Variants in PKHD1L1 observed in about 807,000 individuals in gnomAD.
The protein encoded by PKHD1L1 is PKHD1 like 1.
PKHD1L1 carries 434 observed loss-of-function variants against 462.9 expected under a neutral mutation model. That is an observed-to-expected ratio of 0.94 (90% CI 0.87 to 1.02). The LOEUF (loss-of-function observed/expected upper bound fraction) is 1.02, where lower values mean the gene tolerates loss of function less well. Ranked by LOEUF, PKHD1L1 falls within the 50% of genes least tolerant of loss-of-function variation. The probability of loss-of-function intolerance (pLI) is 0.00; values close to 1 mark genes in which losing one functional copy is unlikely to be tolerated. For missense variants in PKHD1L1, 5,202 were observed against 5,096.1 expected, an observed-to-expected ratio of 1.02 and a Z score of -0.63; for synonymous variants, 1,781 against 1,750.0, an observed-to-expected ratio of 1.02 and a Z score of -0.44.
intron 21 of PKHD1L1, among the ~76,000 whole-genome samples, chr8:109,415,395 C>T (rs528533134): frequency 2.0e-5 from 3 of 151,974 alleles, no homozygotes; most frequent in South Asian, 2.1e-4. Flanking sequence ...ATATGTTGGA[C>T]GGGAAAGGAA....
intron 60 of PKHD1L1, 38 bp from the exon 61 acceptor site, chr8:109,490,934 T>G (rs1338697509): frequency 1.3e-6 from 2 of 1,489,934 alleles, no homozygotes; most frequent in South Asian, 2.7e-5. Flanking sequence ...ATTGTAATTT[T>G]ATTTTAAAAA....
chr8:109,462,783 A>C (rs550917472), intron 48 of PKHD1L1, among the ~76,000 whole-genome samples: 2 of 151,958 alleles, frequency 1.3e-5, no homozygotes, highest in African/African-American at 4.8e-5. Context: ...CTTGTGATCC[A>C]CATGCCTCGG....
intron 17 of PKHD1L1, among the ~76,000 whole-genome samples, chr8:109,406,904 A>G (rs1813581448): frequency 6.6e-6 from 1 of 151,470 alleles, no homozygotes; most frequent in Admixed American, 6.6e-5. Context: ...GGAATATTAA[A>G]ATCCCTGAGG....
intron 13 of PKHD1L1, 80 bp downstream of exon 13, chr8:109,400,424 C>G (rs556568005): frequency 4.9e-5 from 70 of 1,422,558 alleles, no homozygotes; most frequent in Middle Eastern, 2.1e-4. Flanking sequence ...TAAATCAAAA[C>G]GAATGAACAT....
At chr8:109,388,089 C>T (rs1234091766) in intron 6 of PKHD1L1, among the ~76,000 whole-genome samples, 2 of 152,112 alleles carry the variant, frequency 1.3e-5, no homozygotes, top group African/African-American at 2.4e-5. Context: ...TACCTTAATT[C>T]CTATAGTACA....
intron 14 of PKHD1L1, among the ~76,000 whole-genome samples, chr8:109,402,912 C>G (rs1027376691): frequency 6.6e-6 from 1 of 151,788 alleles, no homozygotes; most frequent in African/African-American, 2.4e-5. Context: ...CCTTTTTTAT[C>G]CTCTTTCTTC....
intron 45 of PKHD1L1, 116 bp from the exon 46 acceptor site, chr8:109,456,146 G>A: frequency 9.3e-7 from 1 of 1,069,846 alleles, no homozygotes; most frequent in Non-Finnish European, 1.3e-6. Context: ...GAAATGCTAA[G>A]GTAAAATGAG....
At position 109,404,258 on chromosome 8, in the gene PKHD1L1, A is replaced by G. The variant is rs147043529; in HGVS notation, c.1374-296A>G. ...ATACCAGGGACAGGGTTATTTTTCA[A>G]GATGTTGAGTATAAGAAATAGTATT... On this transcript the variant is annotated intron_variant, in intron 14 of 77. Transcript: ENST00000378402. Among the ~76,000 whole-genome samples the G allele has an allele frequency of 6.5e-3, 983 of 152,262 alleles. 7 individuals are homozygous for G. Among genetic ancestry groups the G allele is most frequent in the Middle Eastern group, 0.051 (15 of 294 alleles).
In PKHD1L1 at chr8:109,430,013, G is replaced by A; in HGVS notation, c.3205G>A (p.Val1069Ile). Residue 1069 changes from valine (V) to isoleucine (I), a missense_variant, in exon 27 of 78, where the codon GTC becomes ATC. By Grantham distance (29) the Val-to-Ile change is conservative. Coordinates refer to ENST00000378402, the MANE Select transcript of PKHD1L1 (RefSeq NM_177531.6). ...ATGGGATTCCAACATTACTCCCCTA[G>A]TCTTGGCGATAAGCCCTTCTCAAGG... ...FTWDSNITPLVLAISPSQGSY... is the reference protein window; with the variant it reads ...FTWDSNITPLILAISPSQGSY... The A allele has an allele frequency of 6.2e-7, 1 of 1,609,052 alleles. No individual in the cohort carries two copies.
Position 109,497,134 on chromosome 8 carries a change from G to A in PKHD1L1, c.10477-16G>A. The A allele has an allele frequency of 1.2e-6, 2 of 1,612,688 alleles. No homozygotes were observed. The highest frequency in any genetic ancestry group is 1.7e-6 in the Non-Finnish European group (2 of 1,179,190). On this transcript the variant is annotated splice_polypyrimidine_tract_variant and intron_variant, in intron 64 of 77. Coordinates refer to ENST00000378402, the MANE Select transcript of PKHD1L1 (RefSeq NM_177531.6). ...GATTGTCCTTAGTATTATGTAACCT[G>A]CAAATTCTATTGCAGACCACAGAGA...
chr8:109,384,407 G>C (rs1812326073), intron 5 of PKHD1L1, among the ~76,000 whole-genome samples: 1 of 151,910 alleles, frequency 6.6e-6, no homozygotes, highest in Non-Finnish European at 1.5e-5. Flanking sequence ...GCCAGGCTTG[G>C]TGGCAAGCAC....
At position 109,443,687 on chromosome 8, in the gene PKHD1L1, A is replaced by T. The variant is rs766578180; in HGVS notation, c.4576A>T (p.Asn1526Tyr). ...TCTTTTGTCTAAAGGAGGACCTGAG[A>T]ATTTGCACTTGGGAAGCTCTGTGGC... The part of the protein sequence containing the change: ...EATYAYGGPE[N>Y]LHLGSSVAGC... Residue 1526 changes from asparagine to tyrosine, a missense_variant, in exon 37 of 78, where the codon AAT (asparagine) becomes TAT (tyrosine). Around this residue, in one of 3 missense-constraint regions of PKHD1L1, gnomAD observed 4,497 missense variants for 4,336.8 expected, o/e 1.04. Coordinates refer to ENST00000378402, the MANE Select transcript of PKHD1L1 (RefSeq NM_177531.6). The T allele has an allele frequency of 1.2e-6, 2 of 1,611,686 alleles. No homozygotes were observed. Among genetic ancestry groups the T allele is most frequent in the East Asian group, 2.2e-5 (1 of 44,856 alleles).
chr8:109,444,562 T>C (rs1816007066), intron 37 of PKHD1L1, 99 bp from the exon 38 acceptor site: 1 of 1,112,012 alleles, frequency 9.0e-7, no homozygotes, highest in South Asian at 1.7e-5. Flanking sequence ...TATTTGCACA[T>C]GATTAACTTT....
intron 2 of PKHD1L1, among the ~76,000 whole-genome samples, chr8:109,373,715 C>A (rs924497353): frequency 2.6e-5 from 4 of 152,148 alleles, no homozygotes; most frequent in East Asian, 3.9e-4. Flanking sequence ...TCTTTGTCCT[C>A]GTTGGTTTCA....
rs568075304 is a variant in PKHD1L1 at position 109,530,289 on chromosome 8, T to A, written c.*199T>A. The A allele has an allele frequency of 6.6e-6, 2 of 303,328 alleles. No individual in the cohort carries two copies. The highest frequency in any genetic ancestry group is 1.2e-5 in the Non-Finnish European group (2 of 164,334). The allele number at this position is 303,328 out of a possible 1,614,324, so 18.8% of individuals were successfully genotyped here. A position where few individuals can be genotyped will look rare whatever the true frequency, so the allele number is the denominator to read the frequency against. ...AATTTGTTTTGATTCTTTATATTTA[T>A]ATGTTTTTATTTCATTTCAATAAAC... On this transcript the variant is annotated 3_prime_UTR_variant, in exon 78 of 78. Coordinates refer to ENST00000378402, the MANE Select transcript of PKHD1L1 (RefSeq NM_177531.6).
At chr8:109,452,024 A>ATTTTTTTTTTTTTT in intron 41 of PKHD1L1, 100 bp from the exon 42 acceptor site, 1 of 967,806 alleles carries the variant, frequency 1.0e-6, no homozygotes. Context: ...GAATCAGGTC[A>ATTTTTTTTTTTTTT]TTTTTTTTTT....
Position 109,448,266 on chromosome 8 carries a change from G to A in PKHD1L1, c.5900G>A (p.Cys1967Tyr), listed in dbSNP as rs1253279709. Reference sequence around the variant, plus strand: ...ATGGCCAATGATAGTGTGGTGCAGTGCATCGTGGGAGATCATGCTGGGGGC... The same window carrying A: ...ATGGCCAATGATAGTGTGGTGCAGTACATCGTGGGAGATCATGCTGGGGGC... ...VTMANDSVVQ[C>Y]IVGDHAGGTF... Residue 1967 changes from cysteine (C) to tyrosine (Y), a missense_variant, in exon 39 of 78, where the codon TGC becomes TAC. Physicochemically the swap from Cys to Tyr is radical, Grantham distance 194. This residue lies in a region of PKHD1L1 where 4,497 missense variants were observed against 4,336.8 expected (regional missense o/e 1.04). Transcript: ENST00000378402. 6.2e-7 allele frequency: 1 copy of A among 1,613,512 alleles called. No individual in the cohort carries two copies. The highest frequency in any genetic ancestry group is 1.1e-5 in the South Asian group (1 of 91,012).
intron 11 of PKHD1L1, among the ~76,000 whole-genome samples, chr8:109,398,208 A>T (rs1813075152): frequency 6.6e-6 from 1 of 152,154 alleles, no homozygotes; most frequent in South Asian, 2.1e-4. Context: ...CAAATTTTTT[A>T]TCTCAGAAAT....
Position 109,466,446 on chromosome 8 carries a change from G to A in PKHD1L1, c.8414-132G>A, listed in dbSNP as rs141939202. ...AGATCCTCTTGCTCCATGCAAACAA[G>A]CAAACAAACAAAACTACCCAGACTT... On this transcript the variant is annotated intron_variant, in intron 49 of 77. Coordinates refer to ENST00000378402, the MANE Select transcript of PKHD1L1 (RefSeq NM_177531.6). The A allele has an allele frequency of 5.7e-3, 5,003 of 882,876 alleles. 36 individuals are homozygous for A. Among genetic ancestry groups the A allele is most frequent in the South Asian group, 7.8e-3 (330 of 42,544 alleles). The allele number at this position is 882,876 out of a possible 1,614,324, so 54.7% of individuals were successfully genotyped here.
Sources: gnomAD v4.1 joint callset for allele counts (sites outside exome capture counted in the v4.1 genomes callset) on GRCh38, gnomAD v4.1.1 for gene constraint, gnomAD v4.1.1 regional missense constraint, MANE v1.5 for transcripts, NCBI Gene and HGNC (gene_info 2026-07-23, HGNC 2026-07-21) for gene names.